POM121C: variants seen among roughly 807,000 people sequenced by gnomAD.
POM121C encodes the protein POM121 transmembrane nucleoporin C, also known as nuclear envelope pore membrane protein POM 121C.
A neutral mutation model predicts 66.4 loss-of-function variants in POM121C; 20 were observed. That is an observed-to-expected ratio of 0.30 (90% CI 0.21 to 0.44). POM121C has a LOEUF of 0.44. Among genes scored for constraint, POM121C ranks in the 20% least tolerant of loss-of-function variants. The pLI, the probability that POM121C is intolerant of heterozygous loss-of-function variation, is 1.00. For missense variants in POM121C, 580 were observed against 1,225.7 expected (o/e 0.47, Z 7.87); for synonymous variants, 286 against 528.0 (o/e 0.54, Z 6.28).
At chr7:75,450,571 AG>A (rs1790988532) in intron 3 of POM121C, among the ~76,000 whole-genome samples, 1 of 152,182 alleles carries the variant, frequency 6.6e-6, no homozygotes, top group Non-Finnish European at 1.5e-5. Context: ...AGACTGGGAG[AG>A]GTACTTTCTT....
chr7:75,418,773 G>A lies in POM121C; in HGVS notation c.*23C>T. ...GTCCAGATTTAGGGAAGGGGTGGGG[G>A]GAACAGGGACAGGGGACAAAGGCTA... On this transcript the variant is annotated 3_prime_UTR_variant, in exon 15 of 15. Coordinates refer to ENST00000615331, the MANE Select transcript of POM121C (RefSeq NM_001099415.3). 6.4e-7 allele frequency: 1 copy of A among 1,571,952 alleles called. No homozygotes were observed. Among genetic ancestry groups the A allele is most frequent in the Non-Finnish European group, 8.6e-7 (1 of 1,162,738 alleles).
In POM121C at chr7:75,424,510, G is replaced by A. The variant is rs377139815; in HGVS notation, c.871+16C>T. 147 of 1,612,246 alleles carry A rather than the reference G, an allele frequency of 9.1e-5. No individual in the cohort carries two copies. The highest frequency in any genetic ancestry group is 6.5e-4 in the East Asian group (29 of 44,884). ...ACCTGAAACCTCTCGAGAGTGCAAC[G>A]ATCTGTGCTCCTTACCACTCTTGTC... On this transcript the variant is annotated intron_variant, in intron 11 of 14. Transcript: ENST00000615331.
intron 3 of POM121C, among the ~76,000 whole-genome samples, chr7:75,444,440 G>A (rs1332735399): frequency 6.7e-6 from 1 of 150,228 alleles, no homozygotes; most frequent in African/African-American, 2.4e-5. Flanking sequence ...GAAACATAGT[G>A]TCTAGGTCAG....
At chr7:75,468,146 A>G (rs1403707770) in intron 3 of POM121C, among the ~76,000 whole-genome samples, 2 of 148,494 alleles carry the variant, frequency 1.3e-5, no homozygotes, top group Non-Finnish European at 3.0e-5. Context: ...AAAAAAAAAA[A>G]AAAAAAGAAA....
At chr7:75,463,595 G>C (rs587630011) in intron 3 of POM121C, among the ~76,000 whole-genome samples, 2 of 151,802 alleles carry the variant, frequency 1.3e-5, no homozygotes, top group Non-Finnish European at 2.9e-5. Flanking sequence ...TGTTTAGAAA[G>C]TCACTGAACA....
chr7:75,467,797 C>A (rs1791716488), intron 3 of POM121C, among the ~76,000 whole-genome samples: 1 of 152,000 alleles, frequency 6.6e-6, no homozygotes, highest in African/African-American at 2.4e-5. Flanking sequence ...CATTGAGCAC[C>A]TACCTATGTG....
Position 75,419,412 on chromosome 7 carries a change from G to A in POM121C, c.2774C>T (p.Thr925Ile). 1 of 1,613,864 alleles carries A rather than the reference G, an allele frequency of 6.2e-7. No homozygotes were observed. Residue 925 changes from threonine to isoleucine, a missense_variant, in exon 14 of 15, where the codon ACC (threonine) becomes ATC (isoleucine). By Grantham distance (89) the Thr-to-Ile change is moderately conservative. Coordinates refer to ENST00000615331, the MANE Select transcript of POM121C (RefSeq NM_001099415.3). Reference sequence around the variant, plus strand: ...CGATGTGCCCACTCCAGGCGCAGGGGTGTTCTGACCAAAGGTGGGGGTGGC... The same window carrying A: ...CGATGTGCCCACTCCAGGCGCAGGGATGTTCTGACCAAAGGTGGGGGTGGC... ...GTATPTFGQNTPAPGVGTSGS... is the reference protein window; with the variant it reads ...GTATPTFGQNIPAPGVGTSGS...
chr7:75,432,696 G>T (rs1237803773), intron 7 of POM121C, among the ~76,000 whole-genome samples: 1 of 152,146 alleles, frequency 6.6e-6, no homozygotes, highest in African/African-American at 2.4e-5. Flanking sequence ...AAAATGCTAT[G>T]CAAGATGTAA....
chr7:75,462,108 T>C (rs1411265950), intron 3 of POM121C, among the ~76,000 whole-genome samples: 1 of 147,216 alleles, frequency 6.8e-6, no homozygotes, highest in Non-Finnish European at 1.5e-5. Flanking sequence ...CATCTCATCC[T>C]GAATTGTAAT....
intron 3 of POM121C, among the ~76,000 whole-genome samples, chr7:75,461,550 G>A (rs1563153374): frequency 2.0e-5 from 3 of 152,198 alleles, no homozygotes; most frequent in African/African-American, 7.2e-5. Context: ...AAGTAGCTGG[G>A]ATTACAGGCA....
chr7:75,435,023 C>A (rs1264677172), intron 7 of POM121C, among the ~76,000 whole-genome samples: 5 of 152,088 alleles, frequency 3.3e-5, no homozygotes, highest in Non-Finnish European at 5.9e-5. Context: ...TTTAACAATA[C>A]CCAGCAAAAT....
At chr7:75,479,725 G>A (rs1177513667) in intron 1 of POM121C, among the ~76,000 whole-genome samples, 7 of 151,636 alleles carry the variant, frequency 4.6e-5, no homozygotes, top group South Asian at 2.1e-4. Context: ...AATGAACAAC[G>A]GTGTAAAGAC....
chr7:75,433,011 G>T (rs1255955801), intron 7 of POM121C, among the ~76,000 whole-genome samples: 8 of 152,004 alleles, frequency 5.3e-5, no homozygotes, highest in Non-Finnish European at 1.2e-4. Context: ...AGGGCGGGTG[G>T]AATCACGAGG....
chr7:75,438,931 A>G (rs192002705), intron 6 of POM121C, among the ~76,000 whole-genome samples: 2 of 152,384 alleles, frequency 1.3e-5, no homozygotes, highest in East Asian at 1.9e-4. Flanking sequence ...TAGTCTCAGC[A>G]TATTTCATCC....
intron 7 of POM121C, among the ~76,000 whole-genome samples, chr7:75,433,231 T>A (rs1790253368): frequency 2.3e-5 from 1 of 44,146 alleles, no homozygotes; most frequent in Non-Finnish European, 3.8e-5. Flanking sequence ...TGAGACTCTG[T>A]CTCAAAAAAA....
At chr7:75,437,330 C>A (rs1554473137) in intron 7 of POM121C, among the ~76,000 whole-genome samples, 185 bp downstream of exon 7, 2 of 152,142 alleles carry the variant, frequency 1.3e-5, no homozygotes, top group Non-Finnish European at 2.9e-5. Flanking sequence ...TTTAAAGATT[C>A]TTTTGTACAG....
At position 75,421,351 on chromosome 7, in the gene POM121C, C is replaced by T. The variant is rs587615042; in HGVS notation, c.2743+158G>A. ...ACAATGGCTCCTCCAGTCATTACTA[C>T]GTTAGCAAAACATGTATCATGCCCT... On this transcript the variant is annotated intron_variant, in intron 13 of 14. Coordinates refer to ENST00000615331, the MANE Select transcript of POM121C (RefSeq NM_001099415.3). 651 of 1,475,814 alleles carry T rather than the reference C, an allele frequency of 4.4e-4. 11 individuals are homozygous for T. In the African/African-American group the frequency reaches 6.2e-3, roughly 14 times the overall value. 91.4% of individuals were successfully genotyped at this position (1,475,814 alleles called of 1,614,324 possible).
chr7:75,439,250 A>G lies in POM121C; in HGVS notation c.228-26T>C, dbSNP rs782730583. The G allele has an allele frequency of 6.2e-6, 10 of 1,613,662 alleles. No individual in the cohort carries two copies. In the African/African-American group the frequency reaches 1.3e-4, roughly 22 times the overall value. ...CTGCGACAAATCAAAAAAGTCTCAA[A>G]TGAAATGACATGACTTTGTTTGTCC... On this transcript the variant is annotated intron_variant, in intron 5 of 14. Coordinates refer to ENST00000615331, the MANE Select transcript of POM121C (RefSeq NM_001099415.3).
At chr7:75,465,447 A>T (rs1215453408) in intron 3 of POM121C, among the ~76,000 whole-genome samples, 35 of 151,846 alleles carry the variant, frequency 2.3e-4, no homozygotes, top group Admixed American at 1.1e-3. Flanking sequence ...TCTACAAAAA[A>T]AAAAATAAAA....
Sources: gnomAD v4.1 joint callset for allele counts (sites outside exome capture counted in the v4.1 genomes callset) on GRCh38, gnomAD v4.1.1 for gene constraint, MANE v1.5 for transcripts, NCBI Gene and HGNC (gene_info 2026-07-23, HGNC 2026-07-21) for gene names.